TAF3: variants seen among roughly 807,000 people sequenced by gnomAD.
TAF3 encodes the protein transcription initiation factor TFIID subunit 3.
A neutral mutation model predicts 80.6 loss-of-function variants in TAF3; 7 were observed. The observed-to-expected ratio is 0.09, with a 90% confidence interval of 0.05 to 0.16. The LOEUF (loss-of-function observed/expected upper bound fraction) is 0.16. Among genes scored for constraint, TAF3 ranks in the 10% least tolerant of loss-of-function variants. TAF3 has a pLI of 1.00. For missense variants in TAF3, 921 were observed against 1,140.2 expected, an observed-to-expected ratio of 0.81 and a Z score of 2.77; for synonymous variants, 444 against 446.1, an observed-to-expected ratio of 1.00 and a Z score of 0.06.
At chr10:7,879,868 A>G (rs576181376) in intron 2 of TAF3, among the ~76,000 whole-genome samples, 1 of 152,204 alleles carries the variant, frequency 6.6e-6, no homozygotes, top group African/African-American at 2.4e-5. Flanking sequence ...TCAAATTCCA[A>G]GTATGTATTT....
chr10:7,824,240 A>C, intron 1 of TAF3, 78 bp from the exon 2 acceptor site: 2 of 1,484,774 alleles, frequency 1.3e-6, no homozygotes, highest in Non-Finnish European at 1.8e-6. Context: ...ATATTTACTT[A>C]CTACTTTTTC....
At chr10:7,968,276 A>G (rs1395847603) in intron 3 of TAF3, among the ~76,000 whole-genome samples, 1 of 152,190 alleles carries the variant, frequency 6.6e-6, no homozygotes, top group African/African-American at 2.4e-5. Context: ...CCTTCTCATC[A>G]TCCTGACCAA....
chr10:7,982,797 G>A (rs1284635385), intron 4 of TAF3, among the ~76,000 whole-genome samples: 1 of 152,192 alleles, frequency 6.6e-6, no homozygotes, highest in Non-Finnish European at 1.5e-5. Flanking sequence ...GGGAGCAGAT[G>A]ACAAAGATGG....
chr10:7,971,406 G>A (rs981447628), intron 3 of TAF3, among the ~76,000 whole-genome samples: 1 of 149,838 alleles, frequency 6.7e-6, no homozygotes, highest in Non-Finnish European at 1.5e-5. Context: ...ATCTGAACTA[G>A]CGCTTGCTAA....
chr10:8,005,588 A>G (rs1831983732), intron 4 of TAF3, among the ~76,000 whole-genome samples: 1 of 152,212 alleles, frequency 6.6e-6, no homozygotes, highest in African/African-American at 2.4e-5. Context: ...ATAACCAAAT[A>G]TCAGACTTGC....
rs71477297 is a variant in TAF3, at chr10:7,985,780, C to CTTT, written c.2315+8476_2315+8478dup. Among the ~76,000 whole-genome samples, 95 of 107,972 alleles carry CTTT rather than the reference C, an allele frequency of 8.8e-4. 1 individual carries two copies. The highest frequency in any genetic ancestry group is 2.3e-3 in the South Asian group (7 of 2,984). 70.8% of individuals were successfully genotyped at this position (107,972 alleles called of 152,430 possible). ...AGACTCAGTCTCTCATTCTCTCTCT[C>CTTT]TTTTTTTTTTTTTTTTTTTTTGAGA... On this transcript the variant is annotated intron_variant, in intron 4 of 6. Coordinates refer to ENST00000344293, the MANE Select transcript of TAF3 (RefSeq NM_031923.4).
At chr10:7,820,726 C>T (rs968238844) in intron 1 of TAF3, among the ~76,000 whole-genome samples, 2 of 152,212 alleles carry the variant, frequency 1.3e-5, no homozygotes, top group African/African-American at 4.8e-5. Context: ...AACTCCTGGG[C>T]TCAAGTGATC....
At chr10:7,868,242 CAAG>C (rs1327831344) in intron 2 of TAF3, among the ~76,000 whole-genome samples, 2 of 152,166 alleles carry the variant, frequency 1.3e-5, no homozygotes, top group Non-Finnish European at 2.9e-5. Context: ...AAAGTAATGA[CAAG>C]AAGAAGAACA....
chr10:7,890,366 C>T (rs1303113262), intron 2 of TAF3, among the ~76,000 whole-genome samples: 1 of 152,184 alleles, frequency 6.6e-6, no homozygotes, highest in African/African-American at 2.4e-5. Flanking sequence ...ATTGTCTTGC[C>T]CACTGGGTAG....
chr10:7,910,900 TAAG>T (rs1329589204), intron 2 of TAF3, among the ~76,000 whole-genome samples: 1 of 152,200 alleles, frequency 6.6e-6, no homozygotes, highest in Non-Finnish European at 1.5e-5. Flanking sequence ...AGTTGTGAAA[TAAG>T]AACAAAATGC....
intron 2 of TAF3, among the ~76,000 whole-genome samples, chr10:7,936,716 G>A (rs573047496): frequency 6.6e-6 from 1 of 152,090 alleles, no homozygotes. Flanking sequence ...TACATTAGGG[G>A]TTGCTCTTGG....
chr10:7,976,105 C>G (rs1438907074), intron 3 of TAF3, among the ~76,000 whole-genome samples: 1 of 152,104 alleles, frequency 6.6e-6, no homozygotes, highest in Non-Finnish European at 1.5e-5. Flanking sequence ...GTGAAGAGAC[C>G]CTTTAACATC....
At chr10:8,013,618 T>C (rs1832074250) in intron 5 of TAF3, 113 bp from the exon 6 acceptor site, 1 of 735,974 alleles carries the variant, frequency 1.4e-6, no homozygotes, top group African/African-American at 1.7e-5. Context: ...ATTTTTTAGT[T>C]TAATATGCCT....
Position 7,822,645 on chromosome 10 carries a change from G to A in TAF3, c.167-1673G>A, listed in dbSNP as rs72782704. 5.5e-3 allele frequency among the ~76,000 whole-genome samples: 844 copies of A among 152,132 alleles called. 8 individuals carry two copies. Among genetic ancestry groups the A allele is most frequent in the South Asian group, 0.024 (114 of 4,822 alleles). On this transcript the variant is annotated intron_variant, in intron 1 of 6. Transcript: ENST00000344293. The stretch of plus-strand genomic sequence containing the variant: ...TTTCTGTATGCATTACTACACATGC[G>A]TCCAATTCTAGCAATATTTGGATTC...
intron 4 of TAF3, among the ~76,000 whole-genome samples, chr10:7,982,767 T>C (rs1257765894): frequency 6.6e-6 from 1 of 152,156 alleles, no homozygotes; most frequent in Non-Finnish European, 1.5e-5. Flanking sequence ...GGCAGTAAAT[T>C]TAAAAATTAA....
intron 2 of TAF3, among the ~76,000 whole-genome samples, chr10:7,840,308 A>G (rs1434714496): frequency 6.6e-6 from 1 of 151,764 alleles, no homozygotes. Flanking sequence ...GCCCGCCACC[A>G]CGCCTGGCTA....
intron 2 of TAF3, among the ~76,000 whole-genome samples, chr10:7,870,861 C>G (rs1837258537): frequency 6.6e-6 from 1 of 152,074 alleles, no homozygotes; most frequent in African/African-American, 2.4e-5. Flanking sequence ...AGAATGTATT[C>G]TAAGCCTTAC....
intron 5 of TAF3, among the ~76,000 whole-genome samples, chr10:8,011,530 C>A (rs1419901495): frequency 6.6e-6 from 1 of 152,162 alleles, no homozygotes; most frequent in Non-Finnish European, 1.5e-5. Context: ...TCCACCTTGG[C>A]CTCCCAAAGT....
intron 4 of TAF3, among the ~76,000 whole-genome samples, chr10:7,995,987 A>G (rs1258531169): frequency 6.6e-6 from 1 of 152,230 alleles, no homozygotes; most frequent in Non-Finnish European, 1.5e-5. Context: ...TTGGCGTCTT[A>G]AGGACTGGTA....
Sources: allele counts gnomAD v4.1 joint callset (sites outside exome capture counted in the v4.1 genomes callset), GRCh38; gene constraint gnomAD v4.1.1; transcripts MANE v1.5; gene names NCBI Gene and HGNC (gene_info 2026-07-23, HGNC 2026-07-21).